Variants in SPATA16 observed in about 807,000 individuals in gnomAD.
The protein encoded by SPATA16 is spermatogenesis associated 16.
SPATA16 carries 36 observed loss-of-function variants against 63.3 expected under a neutral mutation model. The observed-to-expected ratio is 0.57, with a 90% CI of 0.44 to 0.75. The LOEUF (loss-of-function observed/expected upper bound fraction) is 0.75, where lower values mean the gene tolerates loss of function less well. SPATA16 is among the 30% of genes least tolerant of loss of function. The pLI is 0.00. For missense variants in SPATA16, 646 were observed against 679.3 expected (o/e 0.95, Z 0.54); for synonymous variants, 203 against 216.7 (o/e 0.94, Z 0.56).
At chr3:173,008,505 A>G (rs866318255) in intron 4 of SPATA16, among the ~76,000 whole-genome samples, 10 of 152,182 alleles carry the variant, frequency 6.6e-5, no homozygotes, top group African/African-American at 2.2e-4. Context: ...TCTGATTAAT[A>G]TGAATTCTTG....
chr3:172,924,302 A>C lies in SPATA16; in HGVS notation c.1244T>G (p.Phe415Cys). The C allele has an allele frequency of 6.2e-7, 1 of 1,612,866 alleles. No homozygotes were observed. Among genetic ancestry groups the C allele is most frequent in the Non-Finnish European group, 8.5e-7 (1 of 1,179,392 alleles). The change falls in exon 8 of 11, where the codon TTC (phenylalanine) becomes TGC (cysteine). Residue 415 changes from phenylalanine (F) to cysteine (C), a missense_variant. Phe to Cys is a radical substitution (Grantham distance 205). Transcript: ENST00000351008. ...CACTGTATCTTCTCTGGTCAGACCG[A>C]AAGGTGTTTTATGCTCTAAAAATTG... is the stretch of plus-strand genomic sequence containing the variant. ...LPIFTEHKTP[F>C]GLTREDTVRQ...
intron 4 of SPATA16, among the ~76,000 whole-genome samples, chr3:173,013,283 T>TTGTGAG (rs1299220551): frequency 6.6e-6 from 1 of 152,120 alleles, no homozygotes; most frequent in Non-Finnish European, 1.5e-5. Flanking sequence ...CTTGTGAGGC[T>TTGTGAG]GCAGAGAAAA....
chr3:172,996,040 A>G (rs1261711938), intron 4 of SPATA16, among the ~76,000 whole-genome samples: 4 of 151,916 alleles, frequency 2.6e-5, no homozygotes, highest in Admixed American at 1.3e-4. Flanking sequence ...ACATTTCCTC[A>G]TTTTCCCTAT....
intron 4 of SPATA16, among the ~76,000 whole-genome samples, chr3:173,007,909 G>A (rs1330578317): frequency 6.6e-6 from 1 of 151,886 alleles, no homozygotes; most frequent in African/African-American, 2.4e-5. Flanking sequence ...ACAACATTTA[G>A]GGTAAGAGTT....
intron 6 of SPATA16, among the ~76,000 whole-genome samples, chr3:172,949,978 A>G (rs1192246415): frequency 6.6e-6 from 1 of 152,122 alleles, no homozygotes; most frequent in Non-Finnish European, 1.5e-5. Flanking sequence ...TTTAATTTCT[A>G]CCACATACCC....
At chr3:173,105,520 G>A (rs924634727) in intron 2 of SPATA16, among the ~76,000 whole-genome samples, 2 of 152,100 alleles carry the variant, frequency 1.3e-5, no homozygotes, top group African/African-American at 2.4e-5. Context: ...AGTCCTTTCT[G>A]AATTATTCAC....
At chr3:173,010,075 A>G (rs1735030068) in intron 4 of SPATA16, among the ~76,000 whole-genome samples, 1 of 152,112 alleles carries the variant, frequency 6.6e-6, no homozygotes, top group Admixed American at 6.5e-5. Flanking sequence ...GCCACGCAGG[A>G]AAAGGAGGGG....
chr3:173,050,120 T>C (rs1736051654), intron 2 of SPATA16, among the ~76,000 whole-genome samples: 1 of 152,194 alleles, frequency 6.6e-6, no homozygotes, highest in Non-Finnish European at 1.5e-5. Flanking sequence ...ATAAATTTTC[T>C]TTTATAGGTT....
chr3:172,898,809 A>T (rs1042311994), intron 10 of SPATA16, among the ~76,000 whole-genome samples: 1 of 150,680 alleles, frequency 6.6e-6, no homozygotes, highest in African/African-American at 2.4e-5. Context: ...TCAGTTATTG[A>T]TTTGAGATAG....
intron 3 of SPATA16, among the ~76,000 whole-genome samples, chr3:173,022,577 T>TA (rs1735357990): frequency 6.6e-6 from 1 of 152,284 alleles, no homozygotes; most frequent in African/African-American, 2.4e-5. Flanking sequence ...CGATGCTTTC[T>TA]AAAATGACAT....
At chr3:172,985,634 G>C (rs1305421219) in intron 4 of SPATA16, among the ~76,000 whole-genome samples, 2 of 152,174 alleles carry the variant, frequency 1.3e-5, no homozygotes, top group Non-Finnish European at 2.9e-5. Context: ...CTTTTTTACT[G>C]TAATGGAATT....
chr3:172,909,219 A>G (rs1033413497), intron 10 of SPATA16, among the ~76,000 whole-genome samples: 2 of 152,142 alleles, frequency 1.3e-5, no homozygotes, highest in African/African-American at 4.8e-5. Flanking sequence ...ACACACAACC[A>G]CAGTCCTGCT....
At chr3:172,925,067 GATA>G (rs1248544302) in intron 7 of SPATA16, among the ~76,000 whole-genome samples, 1 of 152,062 alleles carries the variant, frequency 6.6e-6, no homozygotes, top group Non-Finnish European at 1.5e-5. Flanking sequence ...TCTGCTAATT[GATA>G]ATGATGAAAA....
chr3:172,990,086 G>T (rs1368460605), intron 4 of SPATA16, among the ~76,000 whole-genome samples: 2 of 152,122 alleles, frequency 1.3e-5, no homozygotes, highest in Non-Finnish European at 2.9e-5. Context: ...ATTCTTTAAA[G>T]GCATCTACAG....
At chr3:173,006,276 GTA>G (rs1734944167) in intron 4 of SPATA16, among the ~76,000 whole-genome samples, 1 of 152,182 alleles carries the variant, frequency 6.6e-6, no homozygotes, top group African/African-American at 2.4e-5. Flanking sequence ...GTGTGTAAAT[GTA>G]TGTTACAAAG....
intron 7 of SPATA16, among the ~76,000 whole-genome samples, chr3:172,924,605 G>C (rs1427698495): frequency 6.6e-6 from 1 of 152,138 alleles, no homozygotes; most frequent in Non-Finnish European, 1.5e-5. Context: ...TTCAGACTCT[G>C]TTTTTCCTGA....
chr3:173,088,686 AT>A (rs1737148227), intron 2 of SPATA16, among the ~76,000 whole-genome samples: 1 of 152,210 alleles, frequency 6.6e-6, no homozygotes, highest in South Asian at 2.1e-4. Context: ...CTTGTGAAAA[AT>A]GAGTAAAGGA....
intron 3 of SPATA16, among the ~76,000 whole-genome samples, chr3:173,032,685 G>A (rs762924360): frequency 6.6e-6 from 1 of 152,110 alleles, no homozygotes; most frequent in African/African-American, 2.4e-5. Flanking sequence ...GAGGCATGCA[G>A]TGAAATGCCT....
At chr3:173,052,811 A>T (rs950990902) in intron 2 of SPATA16, among the ~76,000 whole-genome samples, 1 of 152,238 alleles carries the variant, frequency 6.6e-6, no homozygotes, top group African/African-American at 2.4e-5. Context: ...GAAATGTATA[A>T]TTTAAATCTT....
Sources: allele counts gnomAD v4.1 joint callset (sites outside exome capture counted in the v4.1 genomes callset), GRCh38; gene constraint gnomAD v4.1.1; transcripts MANE v1.5; gene names NCBI Gene and HGNC (gene_info 2026-07-23, HGNC 2026-07-21).